The following LIMK2 variants were observed in gnomAD, a reference collection of about 807,000 sequenced individuals.
LIMK2 encodes the protein LIM domain kinase 2.
Under a neutral mutation model 75.7 loss-of-function variants are expected in LIMK2, and 35 were observed. That is an observed-to-expected ratio of 0.46 (90% CI 0.35 to 0.61). The LOEUF (loss-of-function observed/expected upper bound fraction) is 0.61, where lower values mean the gene tolerates loss of function less well. LIMK2 is among the 20% of genes least tolerant of loss of function. LIMK2 has a pLI of 0.00. For missense variants in LIMK2, 623 were observed against 831.0 expected (o/e 0.75, Z 3.08); for synonymous variants, 301 against 319.2 (o/e 0.94, Z 0.61).
intron 2 of LIMK2, among the ~76,000 whole-genome samples, chr22:31,236,074 C>G (rs769408271): frequency 6.6e-6 from 1 of 150,400 alleles, no homozygotes; most frequent in Non-Finnish European, 1.5e-5. Flanking sequence ...GTGGGCAGAT[C>G]ACCTGAGGTG....
intron 2 of LIMK2, among the ~76,000 whole-genome samples, chr22:31,232,082 TG>T (rs750442862): frequency 5.7e-4 from 86 of 151,930 alleles, no homozygotes; most frequent in Non-Finnish European, 1.1e-3. Context: ...CCAAAGTGCT[TG>T]GGATTACGGA....
intron 2 of LIMK2, among the ~76,000 whole-genome samples, chr22:31,237,941 CT>C (rs1484636451): frequency 2.3e-5 from 2 of 85,302 alleles, no homozygotes; most frequent in African/African-American, 4.7e-5. Context: ...CCTGTCTCTG[CT>C]AAAAAAAAAA....
intron 2 of LIMK2, among the ~76,000 whole-genome samples, chr22:31,257,081 G>A (rs1164173093): frequency 1.1e-5 from 1 of 92,804 alleles, no homozygotes; most frequent in African/African-American, 3.6e-5. Context: ...TTTTAGAGAC[G>A]GGGTCTTACT....
chr22:31,268,402 C>T (rs1278896364), intron 11 of LIMK2, among the ~76,000 whole-genome samples: 2 of 152,198 alleles, frequency 1.3e-5, no homozygotes, highest in East Asian at 3.9e-4. Context: ...AAGAATTACA[C>T]ATCTCTAAAG....
chr22:31,276,242 G>C (rs1260390943), intron 15 of LIMK2, among the ~76,000 whole-genome samples: 1 of 151,950 alleles, frequency 6.6e-6, no homozygotes, highest in Non-Finnish European at 1.5e-5. Flanking sequence ...TCTCAAAAAT[G>C]GGGTTCTTTT....
intron 2 of LIMK2, among the ~76,000 whole-genome samples, chr22:31,253,106 G>A (rs560075293): frequency 6.6e-6 from 1 of 152,314 alleles, no homozygotes; most frequent in East Asian, 1.9e-4. Context: ...TTTGGAGGTT[G>A]TCCTTAGGCA....
intron 1 of LIMK2, among the ~76,000 whole-genome samples, chr22:31,220,195 G>A (rs1038651466): frequency 1.3e-5 from 2 of 152,334 alleles, no homozygotes; most frequent in South Asian, 4.1e-4. Context: ...AGGAGGCTGT[G>A]TGCTTTGGGT....
intron 4 of LIMK2, 63 bp from the exon 5 acceptor site, chr22:31,259,826 G>C (rs1352747065): frequency 3.5e-6 from 5 of 1,444,610 alleles, no homozygotes; most frequent in East Asian, 4.8e-5. Flanking sequence ...ATGGTGCAGT[G>C]GTTGCTGGGG....
chr22:31,248,740 G>A lies in LIMK2; in HGVS notation c.117-9551G>A, dbSNP rs531078341. 782 of 1,614,128 alleles carry A rather than the reference G, an allele frequency of 4.8e-4. 12 individuals carry two copies. The South Asian group carries it at 8.0e-3, about 17-fold the overall frequency. ...AGATGGGGAGTTACTTGTCAGTCCC[G>A]GCTTACTTCACCTCCAGAGACCTGT... On this transcript the variant is annotated intron_variant, in intron 2 of 15. Transcript: ENST00000331728.
At chr22:31,248,848 T>G in intron 2 of LIMK2, 4 of 1,448,822 alleles carry the variant, frequency 2.8e-6, no homozygotes, top group African/African-American at 1.4e-5. Context: ...CTAAATCTCC[T>G]TCTCACTTAG....
intron 2 of LIMK2, among the ~76,000 whole-genome samples, chr22:31,234,413 C>G (rs1601409214): frequency 6.6e-6 from 1 of 151,092 alleles, no homozygotes; most frequent in East Asian, 2.0e-4. Flanking sequence ...TCCCAGTGTT[C>G]TTGGATAAAG....
intron 11 of LIMK2, 63 bp from the exon 12 acceptor site, chr22:31,271,073 T>A (rs922460181): frequency 4.6e-5 from 68 of 1,479,988 alleles, no homozygotes; most frequent in Non-Finnish European, 6.0e-5. Context: ...TGGCGCCCAA[T>A]TCCAGATTCA....
At position 31,225,819 on chromosome 22, in the gene LIMK2, G is replaced by T. The variant is rs765675081; in HGVS notation, c.116G>T (p.Arg39Leu). 6.2e-7 allele frequency: 1 copy of T among 1,611,314 alleles called. No individual in the cohort carries two copies. Among genetic ancestry groups the T allele is most frequent in the Admixed American group, 1.7e-5 (1 of 59,902 alleles). The change falls in exon 2 of 16, where the codon CGG becomes CTG. Residue 39 changes from arginine to leucine, a missense_variant and splice_region_variant. This residue lies in a region of LIMK2 where 514 missense variants were observed against 661.3 expected (regional missense o/e 0.78). Coordinates refer to ENST00000331728, the MANE Select transcript of LIMK2 (RefSeq NM_005569.4). The stretch of plus-strand genomic sequence containing the variant: ...GAAACCTGGCACGGCTCTTGCTTCC[G>T]GTAGGTGGGCCTATCCTCCCATCTT... Reference protein sequence around the residue: ...VNETWHGSCFRCSECQDSLTN... With the variant: ...VNETWHGSCFLCSECQDSLTN...
chr22:31,257,350 A>G (rs2048795043), intron 2 of LIMK2, among the ~76,000 whole-genome samples: 1 of 152,118 alleles, frequency 6.6e-6, no homozygotes, highest in Admixed American at 6.5e-5. Flanking sequence ...TGATTTGTTA[A>G]TGTTATGCCA....
At position 31,258,318 on chromosome 22, in the gene LIMK2, C is replaced by T; in HGVS notation, c.144C>T (p.Thr48=). ...GTTCAGAATGCCAGGATTCCCTCAC[C>T]AACTGGTACTATGAGAAGGATGGGA... ...FRCSECQDSL[T]NWYYEKDGKL... is the part of the protein sequence containing the mutation. Residue 48 remains threonine, a synonymous_variant, in exon 3 of 16, where the codon ACC becomes ACT. Transcript: ENST00000331728. 6.2e-7 allele frequency: 1 copy of T among 1,609,116 alleles called. No individual in the cohort carries two copies. The highest frequency in any genetic ancestry group is 8.5e-7 in the Non-Finnish European group (1 of 1,177,014).
In LIMK2 at chr22:31,278,486, G is replaced by A. The variant is rs771594497; in HGVS notation, c.*45G>A. The A allele has an allele frequency of 6.5e-7, 1 of 1,536,302 alleles. No individual in the cohort carries two copies. The highest frequency in any genetic ancestry group is 2.3e-5 in the East Asian group (1 of 43,318). On this transcript the variant is annotated 3_prime_UTR_variant, in exon 16 of 16. Coordinates refer to ENST00000331728, the MANE Select transcript of LIMK2 (RefSeq NM_005569.4). ...AGGGGGGTGTTCTACAGCCAGCATT[G>A]CCCCTCTGTGCCCCATTCCTGCTGT...
In LIMK2 at chr22:31,219,553, C is replaced by T. The variant is rs370050443; in HGVS notation, c.17-6167C>T. ...CATTTACTTAAATCAAGCTCCTTTT[C>T]TGGACTCTTCTTTTTTTTATTTTAT... On this transcript the variant is annotated intron_variant, in intron 1 of 15. Transcript: ENST00000331728. 1.2e-3 allele frequency among the ~76,000 whole-genome samples: 186 copies of T among 152,082 alleles called. 1 individual carries two copies. The highest frequency in any genetic ancestry group is 4.3e-3 in the African/African-American group (178 of 41,502).
intron 12 of LIMK2, among the ~76,000 whole-genome samples, chr22:31,271,835 T>C (rs1302667541): frequency 6.6e-6 from 1 of 152,172 alleles, no homozygotes; most frequent in African/African-American, 2.4e-5. Flanking sequence ...TTTTCTGTCT[T>C]ATCCTGGTTC....
Position 31,268,826 on chromosome 22 carries a change from G to T in LIMK2, c.1317+626G>T, listed in dbSNP as rs2048923980. Among the ~76,000 whole-genome samples, 6 of 152,180 alleles carry T rather than the reference G, an allele frequency of 3.9e-5. No homozygotes were observed. The South Asian group carries it at 1.2e-3, about 31-fold the overall frequency. ...CTTGGTTTCCAGATAAGCTGGACTGGAAAGGGACAGAGCTGGGATCCTGGG... is the reference window on the plus strand; with the variant it reads ...CTTGGTTTCCAGATAAGCTGGACTGTAAAGGGACAGAGCTGGGATCCTGGG... On this transcript the variant is annotated intron_variant, in intron 11 of 15. Coordinates refer to ENST00000331728, the MANE Select transcript of LIMK2 (RefSeq NM_005569.4).
Sources: gnomAD v4.1 joint callset for allele counts (sites outside exome capture counted in the v4.1 genomes callset) on GRCh38, gnomAD v4.1.1 for gene constraint, gnomAD v4.1.1 regional missense constraint, MANE v1.5 for transcripts, NCBI Gene and HGNC (gene_info 2026-07-23, HGNC 2026-07-21) for gene names.